The following JARID2 variants were observed in gnomAD, a reference collection of about 807,000 sequenced individuals.
The protein encoded by JARID2 is protein Jumonji.
Under a neutral mutation model 125.6 loss-of-function variants are expected in JARID2, and 21 were observed. The observed-to-expected ratio is 0.17, with a 90% CI of 0.12 to 0.24. The LOEUF (loss-of-function observed/expected upper bound fraction) is 0.24, where lower values mean the gene tolerates loss of function less well. Among genes scored for constraint, JARID2 ranks in the 10% least tolerant of loss-of-function variants. The pLI, the probability that JARID2 is intolerant of heterozygous loss-of-function variation, is 1.00. For synonymous variants in JARID2, 736 were observed against 661.6 expected, an observed-to-expected ratio of 1.11 and a Z score of -1.73; for missense variants, 1,303 against 1,639.6, an observed-to-expected ratio of 0.79 and a Z score of 3.55.
chr6:15,487,482 G>T lies in JARID2; in HGVS notation c.846G>T (p.Gly282=). ...CCTCCACGGGTTCCTCGGCCAAGGG[G>T]CTTGCTGCCACCCATCACCACCCCC... ...AAPSTGSSAK[G]LAATHHHPPL... The change falls in exon 6 of 18, where the codon GGG becomes GGT. Residue 282 remains glycine, a synonymous_variant. Coordinates refer to ENST00000341776, the MANE Select transcript of JARID2 (RefSeq NM_004973.4). The T allele has an allele frequency of 6.2e-7, 1 of 1,614,136 alleles. No homozygotes were observed. The highest frequency in any genetic ancestry group is 8.5e-7 in the Non-Finnish European group (1 of 1,180,002).
chr6:15,304,209 C>T (rs985218119), intron 1 of JARID2, among the ~76,000 whole-genome samples: 15 of 151,698 alleles, frequency 9.9e-5, no homozygotes, highest in Non-Finnish European at 2.1e-4. Context: ...GATCAGCTGC[C>T]CATCTCGCTG....
chr6:15,320,844 C>CTG (rs1224133607), intron 1 of JARID2, among the ~76,000 whole-genome samples: 22 of 136,720 alleles, frequency 1.6e-4, no homozygotes, highest in South Asian at 8.9e-4. Context: ...TTCATTCTCT[C>CTG]TCTCTCTCTG....
At chr6:15,507,482 G>A in intron 11 of JARID2, 66 bp downstream of exon 11, 2 of 1,402,864 alleles carry the variant, frequency 1.4e-6, no homozygotes, top group Non-Finnish European at 2.0e-6. Flanking sequence ...CTGAGAACCA[G>A]GGCTGGGAAA....
intron 5 of JARID2, among the ~76,000 whole-genome samples, 181 bp downstream of exon 5, chr6:15,468,899 A>G (rs1409568274): frequency 6.6e-6 from 1 of 152,140 alleles, no homozygotes; most frequent in Non-Finnish European, 1.5e-5. Flanking sequence ...AGGGTGTTCT[A>G]GGTGAGTGCA....
chr6:15,317,329 A>C (rs975288338), intron 1 of JARID2, among the ~76,000 whole-genome samples: 5 of 152,152 alleles, frequency 3.3e-5, no homozygotes, highest in Non-Finnish European at 7.3e-5. Context: ...TTAGGATAAT[A>C]GTTTGATTTC....
intron 1 of JARID2, among the ~76,000 whole-genome samples, chr6:15,251,108 T>A (rs1228750512): frequency 2.0e-5 from 3 of 151,334 alleles, no homozygotes; most frequent in African/African-American, 7.3e-5. Flanking sequence ...GTCTTCCGGG[T>A]TCAATCGATT....
intron 1 of JARID2, among the ~76,000 whole-genome samples, chr6:15,299,364 G>T (rs1041553821): frequency 5.3e-5 from 8 of 152,176 alleles, no homozygotes; most frequent in African/African-American, 1.9e-4. Flanking sequence ...TTTGGTAGAG[G>T]AAGGGATGAC....
chr6:15,458,167 A>G (rs1768275289), intron 4 of JARID2, among the ~76,000 whole-genome samples: 1 of 152,128 alleles, frequency 6.6e-6, no homozygotes, highest in Admixed American at 6.5e-5. Context: ...GGTTATTCTT[A>G]ATGAGTTCTG....
At chr6:15,349,912 C>A (rs1013547215) in intron 1 of JARID2, among the ~76,000 whole-genome samples, 2 of 152,124 alleles carry the variant, frequency 1.3e-5, no homozygotes, top group East Asian at 3.9e-4. Context: ...AGAGTTTATT[C>A]TCAGGCTATG....
chr6:15,437,448 C>T (rs1397207538), intron 3 of JARID2, among the ~76,000 whole-genome samples: 2 of 152,120 alleles, frequency 1.3e-5, no homozygotes, highest in Admixed American at 6.5e-5. Flanking sequence ...TGGAAGTCCT[C>T]CCTTAACCTA....
intron 9 of JARID2, 41 bp from the exon 10 acceptor site, chr6:15,507,095 C>A: frequency 7.7e-7 from 1 of 1,298,452 alleles, no homozygotes; most frequent in Non-Finnish European, 1.1e-6. Flanking sequence ...GTGGCTGCAG[C>A]ACCTTAGGGG....
intron 1 of JARID2, among the ~76,000 whole-genome samples, chr6:15,255,829 A>G (rs145948913): frequency 1.3e-5 from 2 of 152,170 alleles, no homozygotes; most frequent in Admixed American, 6.5e-5. Flanking sequence ...TGCTTTGTGT[A>G]TATGCCTTAT....
At chr6:15,370,399 TCTGCACACGATCA>T (rs1257179818) in intron 1 of JARID2, among the ~76,000 whole-genome samples, 4 of 147,892 alleles carry the variant, frequency 2.7e-5, no homozygotes, top group Non-Finnish European at 5.9e-5. Flanking sequence ...TGGCACGATC[TCTGCACACGATCA>T]CTGCAAGCTC....
At chr6:15,278,438 T>A (rs903525359) in intron 1 of JARID2, among the ~76,000 whole-genome samples, 7 of 150,898 alleles carry the variant, frequency 4.6e-5, no homozygotes, top group African/African-American at 1.7e-4. Context: ...TACAAAAAAT[T>A]AGCTGGGCGT....
chr6:15,388,075 C>A (rs1764856381), intron 2 of JARID2, among the ~76,000 whole-genome samples: 1 of 152,072 alleles, frequency 6.6e-6, no homozygotes, highest in Admixed American at 6.5e-5. Context: ...TGATATTGTT[C>A]CCTGCTAGAG....
intron 1 of JARID2, among the ~76,000 whole-genome samples, chr6:15,322,316 C>G (rs1033607439): frequency 3.3e-5 from 5 of 152,152 alleles, no homozygotes; most frequent in African/African-American, 1.2e-4. Flanking sequence ...GGGCACTTGC[C>G]AGGCATGGTG....
At chr6:15,481,312 GTGA>G (rs1769602323) in intron 5 of JARID2, among the ~76,000 whole-genome samples, 1 of 152,352 alleles carries the variant, frequency 6.6e-6, no homozygotes, top group Middle Eastern at 3.4e-3. Context: ...ATGGTTCACA[GTGA>G]TGAATGCTTT....
intron 1 of JARID2, among the ~76,000 whole-genome samples, chr6:15,328,334 T>C (rs550870589): frequency 8.5e-5 from 13 of 152,344 alleles, no homozygotes; most frequent in Non-Finnish European, 1.0e-4. Flanking sequence ...TACCAGGCAC[T>C]GGGCAGGATG....
At chr6:15,315,440 A>G (rs188223089) in intron 1 of JARID2, among the ~76,000 whole-genome samples, 1 of 152,306 alleles carries the variant, frequency 6.6e-6, no homozygotes, top group East Asian at 1.9e-4. Context: ...GGAGAACTGC[A>G]GTCTCTCTCA....
Sources: gnomAD v4.1 joint callset for allele counts (sites outside exome capture counted in the v4.1 genomes callset) on GRCh38, gnomAD v4.1.1 for gene constraint, MANE v1.5 for transcripts, NCBI Gene and HGNC (gene_info 2026-07-23, HGNC 2026-07-21) for gene names.